The following YWHAE variants were observed in gnomAD, a reference collection of about 807,000 sequenced individuals.
The protein encoded by YWHAE is tyrosine 3-monooxygenase/tryptophan 5-monooxygenase activation protein epsilon, also known as 14-3-3 protein epsilon.
YWHAE carries 4 observed loss-of-function variants against 30.1 expected under a neutral mutation model. The observed-to-expected ratio is 0.13, with a 90% CI of 0.07 to 0.30. YWHAE has a LOEUF of 0.30. Among genes scored for constraint, YWHAE ranks in the 10% least tolerant of loss-of-function variants. YWHAE has a pLI of 1.00. For synonymous variants in YWHAE, 118 were observed against 111.8 expected (o/e 1.06, Z -0.35); for missense variants, 121 against 315.9 (o/e 0.38, Z 4.68).
intron 1 of YWHAE, among the ~76,000 whole-genome samples, chr17:1,368,239 G>A (rs1320498537): frequency 2.0e-5 from 3 of 152,060 alleles, no homozygotes; most frequent in Non-Finnish European, 2.9e-5. Flanking sequence ...TTTGCCAGAC[G>A]TGGTGGCACA....
intron 1 of YWHAE, 116 bp from the exon 2 acceptor site, chr17:1,365,174 A>G (rs2072923311): frequency 1.3e-5 from 15 of 1,160,626 alleles, no homozygotes; most frequent in Non-Finnish European, 1.8e-5. Flanking sequence ...AACAAAAATA[A>G]TTTCATAATC....
intron 2 of YWHAE, among the ~76,000 whole-genome samples, chr17:1,364,473 A>G (rs1230951811): frequency 2.0e-5 from 3 of 151,906 alleles, no homozygotes; most frequent in Non-Finnish European, 4.4e-5. Context: ...TGATCCGCCC[A>G]CCTCAGCCTC....
At position 1,354,663 on chromosome 17, in the gene YWHAE, TTTTG is replaced by T. The variant is rs893975940; in HGVS notation, c.579-320_579-317del. ...GCAATAGTTCACTTATTTCAAAAAGTTTTGTTTGTTTGTTTTTAAGACGGAGTCT... is the reference window on the plus strand; with the variant it reads ...GCAATAGTTCACTTATTTCAAAAAGTTTTGTTTGTTTTTAAGACGGAGTCT... On this transcript the variant is annotated intron_variant, in intron 4 of 5. Coordinates refer to ENST00000264335, the MANE Select transcript of YWHAE (RefSeq NM_006761.5). 7.2e-4 allele frequency among the ~76,000 whole-genome samples: 110 copies of T among 152,048 alleles called. 1 individual carries two copies. The highest frequency in any genetic ancestry group is 3.4e-3 in the Middle Eastern group (1 of 294).
intron 1 of YWHAE, among the ~76,000 whole-genome samples, chr17:1,388,110 TTTG>T (rs2073331522): frequency 8.8e-5 from 4 of 45,502 alleles, no homozygotes; most frequent in African/African-American, 5.2e-4. Context: ...TGTTTTTTTT[TTTG>T]GTTGGTTTTT....
At chr17:1,371,480 C>T (rs1374824084) in intron 1 of YWHAE, among the ~76,000 whole-genome samples, 1 of 152,000 alleles carries the variant, frequency 6.6e-6, no homozygotes, top group African/African-American at 2.4e-5. Context: ...TTCAGAAAAC[C>T]ATGCTGTAAA....
At chr17:1,349,425 T>G (rs887201053) in intron 5 of YWHAE, among the ~76,000 whole-genome samples, 5 of 152,218 alleles carry the variant, frequency 3.3e-5, no homozygotes, top group African/African-American at 1.2e-4. Flanking sequence ...TATTCAGAGT[T>G]TGTTAGTTGT....
chr17:1,360,295 C>T (rs997117240), intron 4 of YWHAE, among the ~76,000 whole-genome samples: 18 of 152,056 alleles, frequency 1.2e-4, no homozygotes, highest in African/African-American at 3.9e-4. Flanking sequence ...AAGTTATGTA[C>T]GTATAAATAT....
chr17:1,390,064 G>C (rs1256791619), intron 1 of YWHAE, among the ~76,000 whole-genome samples: 1 of 151,872 alleles, frequency 6.6e-6, no homozygotes, highest in Non-Finnish European at 1.5e-5. Flanking sequence ...GGCTGGTCTT[G>C]AACTCCCGAC....
intron 5 of YWHAE, among the ~76,000 whole-genome samples, chr17:1,349,025 CACGAAAAA>C (rs1330471517): frequency 2.7e-5 from 4 of 145,558 alleles, no homozygotes; most frequent in African/African-American, 1.0e-4. Flanking sequence ...GACTCTGTCT[CACGAAAAA>C]AGGAAAAAAA....
chr17:1,351,214 G>T (rs1290779970), intron 5 of YWHAE, among the ~76,000 whole-genome samples: 1 of 151,800 alleles, frequency 6.6e-6, no homozygotes, highest in Non-Finnish European at 1.5e-5. Context: ...CAAAAAATTA[G>T]CTAGGAGTGG....
intron 4 of YWHAE, among the ~76,000 whole-genome samples, chr17:1,358,508 G>A (rs1331200976): frequency 1.3e-5 from 2 of 150,792 alleles, no homozygotes; most frequent in Admixed American, 1.3e-4. Context: ...CAAAGTGCTG[G>A]GATTACAGGC....
rs140663781 is a variant in YWHAE, at chr17:1,360,537, G to A, written c.578+555C>T. Among the ~76,000 whole-genome samples the A allele has an allele frequency of 4.9e-3, 746 of 152,160 alleles. 4 individuals are homozygous for A. Among genetic ancestry groups the A allele is most frequent in the African/African-American group, 0.017 (694 of 41,538 alleles). On this transcript the variant is annotated intron_variant, in intron 4 of 5. Transcript: ENST00000264335. ...AGCACTTTGGGAGGCGAAGGCGGGC[G>A]GATCACTTGAGGTCAGGAGTTCCAG...
chr17:1,371,897 C>T (rs192212003), intron 1 of YWHAE, among the ~76,000 whole-genome samples: 45 of 146,340 alleles, frequency 3.1e-4, no homozygotes, highest in African/African-American at 1.0e-3. Context: ...GGAGTGCTGT[C>T]ACAACGTCTC....
intron 1 of YWHAE, chr17:1,399,825 G>C: frequency 3.3e-5 from 6 of 180,724 alleles, no homozygotes; most frequent in East Asian, 1.8e-4. Context: ...CCGGCCTCCC[G>C]GCCCGCGAGT....
intron 1 of YWHAE, among the ~76,000 whole-genome samples, chr17:1,382,974 G>A (rs561130785): frequency 6.6e-6 from 1 of 151,082 alleles, no homozygotes; most frequent in African/African-American, 2.4e-5. Flanking sequence ...GCAGTGAGCT[G>A]ACCTCATGCC....
At chr17:1,397,624 C>T (rs570722997) in intron 1 of YWHAE, among the ~76,000 whole-genome samples, 2 of 152,290 alleles carry the variant, frequency 1.3e-5, no homozygotes, top group South Asian at 2.1e-4. Flanking sequence ...ACAAAGAAAT[C>T]CTGCCAATAC....
chr17:1,361,405 T>C (rs572135456), intron 3 of YWHAE, 107 bp from the exon 4 acceptor site: 65 of 856,790 alleles, frequency 7.6e-5, no homozygotes, highest in Non-Finnish European at 1.0e-4. Context: ...GTGACAAAAA[T>C]ATATGTAACA....
At position 1,361,666 on chromosome 17, in the gene YWHAE, T is replaced by G. The variant is rs147525349; in HGVS notation, c.371+236A>C. ...ATATAACACTAAGCACTGTGAAATG[T>G]ATGCCGTTTGGGGGAGGGGAATGGG... On this transcript the variant is annotated intron_variant, in intron 3 of 5. Transcript: ENST00000264335. 1,871 of 465,724 alleles carry G rather than the reference T, an allele frequency of 4.0e-3. 6 individuals carry two copies. Among genetic ancestry groups the G allele is most frequent in the Non-Finnish European group, 6.0e-3 (1,576 of 262,276 alleles). The allele number at this position is 465,724 out of a possible 1,614,324, so 28.8% of individuals were successfully genotyped here.
intron 3 of YWHAE, 84 bp downstream of exon 3, chr17:1,361,818 G>T: frequency 5.0e-6 from 4 of 805,684 alleles, no homozygotes; most frequent in Non-Finnish European, 7.5e-6. Context: ...TTAAATAAAA[G>T]TTGAAAACCT....
Sources: allele counts gnomAD v4.1 joint callset (sites outside exome capture counted in the v4.1 genomes callset), GRCh38; gene constraint gnomAD v4.1.1; transcripts MANE v1.5; gene names NCBI Gene and HGNC (gene_info 2026-07-23, HGNC 2026-07-21).